Variants in ATP1A2 observed in about 807,000 individuals in gnomAD.
The protein encoded by ATP1A2 is ATPase Na+/K+ transporting subunit alpha 2, also known as sodium/potassium-transporting ATPase subunit alpha-2.
ATP1A2 carries 56 observed loss-of-function variants against 113.1 expected under a neutral mutation model. The ratio of observed to expected loss-of-function variants is 0.49; its 90% CI spans 0.40 to 0.62. ATP1A2 has a LOEUF of 0.62. Among genes scored for constraint, ATP1A2 ranks in the 20% least tolerant of loss-of-function variants. The pLI is 0.00. For missense variants in ATP1A2, 712 were observed against 1,357.8 expected, an observed-to-expected ratio of 0.52 and a Z score of 7.47; for synonymous variants, 490 against 526.8, an observed-to-expected ratio of 0.93 and a Z score of 0.96.
chr1:160,127,553 C>A lies in ATP1A2; in HGVS notation c.750C>A (p.Gly250=). 1 of 1,614,218 alleles carries A rather than the reference C, an allele frequency of 6.2e-7. No individual in the cohort carries two copies. The highest frequency in any genetic ancestry group is 8.5e-7 in the Non-Finnish European group (1 of 1,180,048). The part of the protein sequence containing the change: ...ICFFSTNCVE[G]TARGIVIATG... Reference sequence around the variant, plus strand: ...ACCTGATGCCCCACCATGTTGCAGGCACTGCCAGGGGCATTGTGATTGCCA... The same window carrying A: ...ACCTGATGCCCCACCATGTTGCAGGAACTGCCAGGGGCATTGTGATTGCCA... Residue 250 remains glycine, a splice_region_variant and synonymous_variant, in exon 8 of 23, where the codon GGC becomes GGA. Transcript: ENST00000361216.
intron 13 of ATP1A2, among the ~76,000 whole-genome samples, chr1:160,132,462 G>A (rs989639402): frequency 2.0e-5 from 3 of 152,140 alleles, no homozygotes; most frequent in Non-Finnish European, 4.4e-5. Context: ...CATAGTTCAG[G>A]CAAAGAATGA....
chr1:160,119,350 T>C (rs1651300971), intron 1 of ATP1A2, among the ~76,000 whole-genome samples: 1 of 133,206 alleles, frequency 7.5e-6, no homozygotes, highest in Admixed American at 8.2e-5. Context: ...GTTAACATCA[T>C]AGTGTGGGAA....
At chr1:160,133,128 C>T (rs974807859) in intron 13 of ATP1A2, among the ~76,000 whole-genome samples, 1 of 152,192 alleles carries the variant, frequency 6.6e-6, no homozygotes, top group South Asian at 2.1e-4. Context: ...TAGGCTGCCA[C>T]CCTGAGAGGC....
intron 22 of ATP1A2, among the ~76,000 whole-genome samples, chr1:160,141,023 C>CGACTAATTT (rs1302710787): frequency 6.6e-6 from 1 of 151,880 alleles, no homozygotes; most frequent in Non-Finnish European, 1.5e-5. Flanking sequence ...CCACTATGCC[C>CGACTAATTT]GACTAATTTT....
rs772091532 is a variant in ATP1A2, at chr1:160,136,571, G to A, written c.2565G>A (p.Gly855=). The change falls in exon 19 of 23, where the codon GGG becomes GGA. Residue 855 remains glycine, a splice_region_variant and synonymous_variant. Coordinates refer to ENST00000361216, the MANE Select transcript of ATP1A2 (RefSeq NM_000702.4). Reference sequence around the variant, plus strand: ...CTGCCTTTGGCCCTCTACCCACAGGGATGATCCAGGCACTGGGTGGCTTCT... The same window carrying A: ...CTGCCTTTGGCCCTCTACCCACAGGAATGATCCAGGCACTGGGTGGCTTCT... ...RLISMAYGQI[G]MIQALGGFFT... is the part of the protein sequence containing the mutation. The A allele has an allele frequency of 6.2e-7, 1 of 1,614,246 alleles. No individual in the cohort carries two copies. The highest frequency in any genetic ancestry group is 1.1e-5 in the South Asian group (1 of 91,080).
In ATP1A2 at chr1:160,124,375, AG is replaced by A; in HGVS notation, c.578del (p.Gly193ValfsTer24). The A allele has an allele frequency of 6.2e-7, 1 of 1,612,892 alleles. No individual in the cohort carries two copies. Among genetic ancestry groups the A allele is most frequent in the Non-Finnish European group, 8.5e-7 (1 of 1,179,632 alleles). Reference protein sequence around the residue: ...EVVVGDLVEVKGGDRVPADLR... With the variant: ...EVVVGDLVEVXGGDRVPADLR... ...GTGGTGGGAGACCTGGTGGAGGTGA[AG>A]GGTGGAGACCGCGTCCCTGCTGACC... On this transcript the variant is annotated frameshift_variant, in exon 6 of 23. Transcript: ENST00000361216. LOFTEE classifies it high-confidence loss of function.
chr1:160,116,617 C>T (rs1266101724), intron 1 of ATP1A2, among the ~76,000 whole-genome samples: 4 of 151,962 alleles, frequency 2.6e-5, no homozygotes, highest in South Asian at 2.1e-4. Flanking sequence ...AACAATGGGG[C>T]GGGCAGGGAG....
chr1:160,135,017 A>G lies in ATP1A2; in HGVS notation c.1965-128A>G. 8.2e-7 allele frequency: 1 copy of G among 1,216,558 alleles called. No homozygotes were observed. The highest frequency in any genetic ancestry group is 1.2e-6 in the Non-Finnish European group (1 of 838,552). The allele number at this position is 1,216,558 out of a possible 1,614,324, so 75.4% of individuals were successfully genotyped here. ...GGAAGTGAGTACTGAGGAGAGGAGAACTGAAGCAACAGGGGAAGCAGGCTC... is the reference window on the plus strand; with the variant it reads ...GGAAGTGAGTACTGAGGAGAGGAGAGCTGAAGCAACAGGGGAAGCAGGCTC... On this transcript the variant is annotated intron_variant, in intron 14 of 22. Coordinates refer to ENST00000361216, the MANE Select transcript of ATP1A2 (RefSeq NM_000702.4). This position sits in a 1 kb window ranked among gnomAD's most constrained non-coding sequence, Gnocchi z 6.3.
chr1:160,139,008 T>G (rs914212361), intron 20 of ATP1A2, among the ~76,000 whole-genome samples: 4 of 152,124 alleles, frequency 2.6e-5, no homozygotes, highest in African/African-American at 9.7e-5. Context: ...CTCAGAGAAA[T>G]TCAACATTGC....
At position 160,142,267 on chromosome 1, in the gene ATP1A2, G is replaced by C. The variant is rs1571000167; in HGVS notation, c.*945G>C. The C allele has an allele frequency of 6.6e-6, 1 of 152,314 alleles. No individual in the cohort carries two copies. The highest frequency in any genetic ancestry group is 1.9e-4 in the East Asian group (1 of 5,190). 9.4% of individuals were successfully genotyped at this position (152,314 alleles called of 1,614,324 possible). A position where few individuals can be genotyped will look rare whatever the true frequency, so the allele number is the denominator to read the frequency against. ...CTCAGAGCTCCATGCTGTTCTGAAA[G>C]GGATGGCCACAAGTTCTTTCCCAGC... On this transcript the variant is annotated 3_prime_UTR_variant, in exon 23 of 23. Coordinates refer to ENST00000361216, the MANE Select transcript of ATP1A2 (RefSeq NM_000702.4).
At chr1:160,123,691 A>C (rs1407500415) in intron 4 of ATP1A2, among the ~76,000 whole-genome samples, 3 of 152,316 alleles carry the variant, frequency 2.0e-5, no homozygotes, top group African/African-American at 7.2e-5. Flanking sequence ...CTGGGTCTTC[A>C]TCCCCTAGCA....
intron 3 of ATP1A2, among the ~76,000 whole-genome samples, chr1:160,122,807 G>A (rs898563738): frequency 2.0e-5 from 3 of 152,050 alleles, no homozygotes; most frequent in Non-Finnish European, 2.9e-5. Flanking sequence ...GGGCAACATA[G>A]CAAGAATCCA....
intron 1 of ATP1A2, among the ~76,000 whole-genome samples, chr1:160,119,738 G>A (rs773583174): frequency 2.2e-4 from 33 of 151,554 alleles, no homozygotes; most frequent in Non-Finnish European, 3.8e-4. Flanking sequence ...CTGCTCAGGC[G>A]CAGTGGCTCA....
chr1:160,130,742 A>G, intron 13 of ATP1A2, 145 bp downstream of exon 13: 8 of 1,193,920 alleles, frequency 6.7e-6, no homozygotes, highest in Non-Finnish European at 9.3e-6. Flanking sequence ...TCTGCAAGGA[A>G]AGGCCCACCC....
Position 160,141,206 on chromosome 1 carries a change from G to T in ATP1A2, c.3035-88G>T, listed in dbSNP as rs749068958. On this transcript the variant is annotated intron_variant, in intron 22 of 22. Transcript: ENST00000361216. ...CTTCACCAGGCTTCTCCTTCCACCT[G>T]GCTTCAGCGACCCAAGCCCCTAGGA... is the stretch of plus-strand genomic sequence containing the variant. 567 of 1,534,892 alleles carry T rather than the reference G, an allele frequency of 3.7e-4. 2 individuals carry two copies. Among genetic ancestry groups the T allele is most frequent in the Non-Finnish European group, 4.9e-4 (547 of 1,111,928 alleles).
At chr1:160,124,745 TG>T (rs1455371031) in intron 6 of ATP1A2, among the ~76,000 whole-genome samples, 2 of 152,180 alleles carry the variant, frequency 1.3e-5, no homozygotes, top group African/African-American at 4.8e-5. Flanking sequence ...GAAAGAGTGG[TG>T]TAATCATGCA....
At chr1:160,119,927 TG>T (rs1381939177) in intron 1 of ATP1A2, among the ~76,000 whole-genome samples, 1 of 147,936 alleles carries the variant, frequency 6.8e-6, no homozygotes, top group African/African-American at 2.5e-5. Context: ...GAGGCTGAGG[TG>T]GGAGTATTGC....
chr1:160,140,110 T>TGGGGTCC (rs1442950926), intron 22 of ATP1A2, 126 bp downstream of exon 22: 16 of 1,000,124 alleles, frequency 1.6e-5, no homozygotes, highest in Non-Finnish European at 2.5e-5. Flanking sequence ...CCTCAGATCC[T>TGGGGTCC]GGGGTCCCAG....
In ATP1A2 at chr1:160,136,372, T is replaced by C. The variant is rs775008062; in HGVS notation, c.2563+2T>C. The stretch of plus-strand genomic sequence containing the variant: ...TCAGCATGGCCTACGGACAGATCGG[T>C]GCGCCAAGCCCCGGGCCTCGGGAGG... On this transcript the variant is annotated splice_donor_variant, in intron 18 of 22. Transcript: ENST00000361216. LOFTEE classifies it high-confidence loss of function. The C allele has an allele frequency of 3.1e-6, 5 of 1,613,878 alleles. No individual in the cohort carries two copies. In the African/African-American group the frequency reaches 6.7e-5, roughly 22 times the overall value.
Sources: gnomAD v4.1 joint callset for allele counts (sites outside exome capture counted in the v4.1 genomes callset) on GRCh38, gnomAD v4.1.1 for gene constraint, Gnocchi (gnomAD v3.1) non-coding constraint, MANE v1.5 for transcripts, NCBI Gene and HGNC (gene_info 2026-07-23, HGNC 2026-07-21) for gene names.